The following TANC1 variants were observed in gnomAD, a reference collection of about 807,000 sequenced individuals.
TANC1 encodes protein TANC1.
Under a neutral mutation model 149.7 loss-of-function variants are expected in TANC1, and 77 were observed. The ratio of observed to expected loss-of-function variants is 0.51; its 90% CI spans 0.43 to 0.62. The LOEUF is 0.62. Among genes scored for constraint, TANC1 ranks in the 20% least tolerant of loss-of-function variants. The pLI, the probability that TANC1 is intolerant of heterozygous loss-of-function variation, is 0.00. For synonymous variants in TANC1, 854 were observed against 925.0 expected, an observed-to-expected ratio of 0.92 and a Z score of 1.39; for missense variants, 1,985 against 2,321.8, an observed-to-expected ratio of 0.85 and a Z score of 2.98.
chr2:159,030,254 A>T (rs561132702), intron 2 of TANC1, among the ~76,000 whole-genome samples: 1 of 152,290 alleles, frequency 6.6e-6, no homozygotes, highest in African/African-American at 2.4e-5. Flanking sequence ...TTTCTACGGA[A>T]TGGTGGTAGA....
chr2:159,217,887 G>A (rs2059451430), intron 20 of TANC1, among the ~76,000 whole-genome samples: 1 of 152,224 alleles, frequency 6.6e-6, no homozygotes, highest in Non-Finnish European at 1.5e-5. Context: ...CAGCTGTGGA[G>A]GGAAGTGGAG....
At chr2:159,092,420 C>A (rs182154913) in intron 3 of TANC1, among the ~76,000 whole-genome samples, 3 of 152,302 alleles carry the variant, frequency 2.0e-5, no homozygotes, top group Admixed American at 1.3e-4. Context: ...ATTCATCTCC[C>A]AGATTGACAT....
intron 2 of TANC1, among the ~76,000 whole-genome samples, chr2:159,027,750 G>A (rs1050441741): frequency 7.2e-5 from 11 of 152,042 alleles, no homozygotes; most frequent in African/African-American, 1.7e-4. Context: ...GTCTTAGTCC[G>A]TCTCTTGCTA....
intron 3 of TANC1, among the ~76,000 whole-genome samples, chr2:159,084,265 T>C (rs961200194): frequency 6.6e-6 from 1 of 151,358 alleles, no homozygotes; most frequent in African/African-American, 2.4e-5. Context: ...AAAAAAAAAA[T>C]TCGGTCATTT....
chr2:159,193,984 G>A (rs926618691), intron 16 of TANC1, among the ~76,000 whole-genome samples: 2 of 152,076 alleles, frequency 1.3e-5, no homozygotes, highest in African/African-American at 4.8e-5. Flanking sequence ...TCAGCTTCCT[G>A]AGTAGCTGGG....
intron 1 of TANC1, among the ~76,000 whole-genome samples, chr2:158,997,344 T>C (rs1248576374): frequency 3.3e-5 from 5 of 152,246 alleles, no homozygotes; most frequent in Non-Finnish European, 7.3e-5. Flanking sequence ...CTTGTGGGAC[T>C]GTATTAAAGT....
chr2:159,010,618 C>T (rs548867353), intron 2 of TANC1, among the ~76,000 whole-genome samples: 4 of 152,016 alleles, frequency 2.6e-5, no homozygotes, highest in Non-Finnish European at 5.9e-5. Context: ...AATACTGACA[C>T]GTGGCTCTAG....
intron 3 of TANC1, among the ~76,000 whole-genome samples, chr2:159,066,951 A>G (rs1351298219): frequency 6.6e-6 from 1 of 152,222 alleles, no homozygotes; most frequent in Non-Finnish European, 1.5e-5. Flanking sequence ...CAATAAAAAT[A>G]TGTTAGCATG....
At chr2:159,166,111 C>T (rs564644415) in intron 8 of TANC1, among the ~76,000 whole-genome samples, 25 of 152,240 alleles carry the variant, frequency 1.6e-4, no homozygotes, top group African/African-American at 5.5e-4. Flanking sequence ...ACATGGACAC[C>T]TCTTTCCTTT....
chr2:158,988,348 AAG>A (rs2035250325), intron 1 of TANC1, among the ~76,000 whole-genome samples: 1 of 151,660 alleles, frequency 6.6e-6, no homozygotes, highest in Non-Finnish European at 1.5e-5. Context: ...AAAAAAGAAA[AAG>A]TGTTTTCGTT....
chr2:159,139,742 C>A (rs1035282446), intron 5 of TANC1, among the ~76,000 whole-genome samples: 3 of 151,934 alleles, frequency 2.0e-5, no homozygotes, highest in African/African-American at 7.2e-5. Context: ...AGTGACGAAA[C>A]TTTTTTCCTG....
intron 2 of TANC1, among the ~76,000 whole-genome samples, chr2:159,048,858 T>G (rs935453411): frequency 2.6e-5 from 4 of 152,202 alleles, no homozygotes; most frequent in Non-Finnish European, 4.4e-5. Context: ...CTTGAACTCT[T>G]GGCCTCAAGC....
chr2:159,107,194 A>G (rs1360881775), intron 4 of TANC1, among the ~76,000 whole-genome samples: 1 of 151,450 alleles, frequency 6.6e-6, no homozygotes, highest in African/African-American at 2.4e-5. Context: ...TGCCCAGCTA[A>G]TTTTGTATTT....
At position 159,149,094 on chromosome 2, in the gene TANC1, T is replaced by C. The variant is rs371557439; in HGVS notation, c.365-48T>C. ...GTGTGAACTCATCCAGATGCGATAC[T>C]GAAATTCCCCAGAGGGGCATCTTCA... On this transcript the variant is annotated intron_variant, in intron 5 of 26. Transcript: ENST00000263635. 9.8e-6 allele frequency: 15 copies of C among 1,531,930 alleles called. No homozygotes were observed. The East Asian group carries it at 1.8e-4, about 18-fold the overall frequency. The allele number at this position is 1,531,930 out of a possible 1,614,324, so 94.9% of individuals were successfully genotyped here. A position where few individuals can be genotyped will look rare whatever the true frequency, so the allele number is the denominator to read the frequency against.
intron 4 of TANC1, among the ~76,000 whole-genome samples, chr2:159,133,137 G>A (rs2050276858): frequency 6.6e-6 from 1 of 152,156 alleles, no homozygotes; most frequent in Non-Finnish European, 1.5e-5. Context: ...AGAGTTAAGG[G>A]GAGCAGAAAT....
chr2:159,131,784 T>C (rs13005051), intron 4 of TANC1, among the ~76,000 whole-genome samples: 65,188 of 152,108 alleles, frequency 0.43, 14,235 homozygotes, highest in East Asian at 0.47. Flanking sequence ...AAACCTATGG[T>C]TATAAATTTA....
At chr2:159,028,896 G>A (rs1341383408) in intron 2 of TANC1, among the ~76,000 whole-genome samples, 1 of 152,140 alleles carries the variant, frequency 6.6e-6, no homozygotes. Context: ...TGAGACTATA[G>A]GCATGTGCTG....
At chr2:159,080,507 G>T (rs2032757) in intron 3 of TANC1, among the ~76,000 whole-genome samples, 31,794 of 152,078 alleles carry the variant, frequency 0.21, 3,589 homozygotes, top group South Asian at 0.37. Flanking sequence ...TTAAGAGTCT[G>T]TGGTGCTCCA....
chr2:159,209,967 G>T (rs999361882), intron 19 of TANC1, among the ~76,000 whole-genome samples: 1 of 152,124 alleles, frequency 6.6e-6, no homozygotes, highest in Non-Finnish European at 1.5e-5. Context: ...GAGAGGCCAG[G>T]ATAATAGGAA....
Sources: gnomAD v4.1 joint callset for allele counts (sites outside exome capture counted in the v4.1 genomes callset) on GRCh38, gnomAD v4.1.1 for gene constraint, MANE v1.5 for transcripts, NCBI Gene and HGNC (gene_info 2026-07-23, HGNC 2026-07-21) for gene names.